Variants in ADAMTS13 observed in about 807,000 individuals in gnomAD.
ADAMTS13 encodes A disintegrin and metalloproteinase with thrombospondin motifs 13.
In ADAMTS13, 110 loss-of-function variants were observed where a neutral mutation model predicts 155.1. That is an observed-to-expected ratio of 0.71 (90% CI 0.61 to 0.83). The LOEUF (loss-of-function observed/expected upper bound fraction) is 0.83, where lower values mean the gene tolerates loss of function less well. Ranked by LOEUF, ADAMTS13 falls within the 40% of genes least tolerant of loss-of-function variation. ADAMTS13 has a pLI of 0.00. For synonymous variants in ADAMTS13, 758 were observed against 756.4 expected (o/e 1.00, Z -0.03); for missense variants, 1,707 against 1,891.7 (o/e 0.90, Z 1.81).
At chr9:133,453,518 C>G (rs1444368064) in intron 23 of ADAMTS13, among the ~76,000 whole-genome samples, 5 of 151,278 alleles carry the variant, frequency 3.3e-5, no homozygotes, top group African/African-American at 1.2e-4. Context: ...AAAAATTAGC[C>G]AGGCATGATG....
rs781974364 is a variant in ADAMTS13, at chr9:133,456,262, C to T, written c.3547+47C>T. 1.2e-6 allele frequency: 2 copies of T among 1,612,306 alleles called. No individual in the cohort carries two copies. The highest frequency in any genetic ancestry group is 1.7e-5 in the Admixed American group (1 of 59,968). On this transcript the variant is annotated intron_variant, in intron 26 of 28. Coordinates refer to ENST00000355699, the MANE Select transcript of ADAMTS13 (RefSeq NM_139027.6). This position sits in a 1 kb window ranked among gnomAD's most constrained non-coding sequence, Gnocchi z 4.4. The stretch of plus-strand genomic sequence containing the variant: ...CGATGCTGCCAGTTATGGGCCCTGC[C>T]AGGAGCCAGCACGACGCTGCATGCC...
intron 27 of ADAMTS13, 97 bp from the exon 28 acceptor site, chr9:133,457,813 G>A: frequency 6.7e-7 from 1 of 1,495,906 alleles, no homozygotes; most frequent in Non-Finnish European, 9.3e-7. Flanking sequence ...TGACCACAGT[G>A]CCATGCTGCC....
upstream of ADAMTS13, chr9:133,417,845 C>T (rs782307555): frequency 5.0e-6 from 8 of 1,598,506 alleles, no homozygotes; most frequent in East Asian, 2.2e-5. Context: ...CCTTCCCCAT[C>T]CTGCTGCCGT....
intron 11 of ADAMTS13, among the ~76,000 whole-genome samples, chr9:133,434,308 A>C (rs1841016717): frequency 6.6e-6 from 1 of 151,916 alleles, no homozygotes; most frequent in Non-Finnish European, 1.5e-5. Flanking sequence ...TTTTTTAAAT[A>C]TTATTTTTAT....
intron 8 of ADAMTS13, 26 bp downstream of exon 8, chr9:133,430,127 A>G: frequency 6.4e-7 from 1 of 1,561,610 alleles, no homozygotes; most frequent in Non-Finnish European, 8.6e-7. Context: ...GTGGCCTGGG[A>G]TTGGCTGTGA....
chr9:133,423,392 T>C (rs1554784141), intron 2 of ADAMTS13, among the ~76,000 whole-genome samples: 1 of 152,210 alleles, frequency 6.6e-6, no homozygotes, highest in Non-Finnish European at 1.5e-5. Context: ...TTCTGTTAAA[T>C]ATCACAAGGG....
At chr9:133,437,026 G>C (rs1841290064) in intron 12 of ADAMTS13, 71 bp downstream of exon 12, 2 of 1,530,930 alleles carry the variant, frequency 1.3e-6, no homozygotes, top group Admixed American at 3.9e-5. Flanking sequence ...CAGAGTCATA[G>C]GGGGGTTGGC....
chr9:133,443,324 C>A (rs1841819709), intron 18 of ADAMTS13, 52 bp from the exon 19 acceptor site: 1 of 1,555,788 alleles, frequency 6.4e-7, no homozygotes, highest in Non-Finnish European at 8.6e-7. Context: ...CCCATCACCC[C>A]AGGCCAGCCT....
rs1842030696 is a variant in ADAMTS13 at position 133,445,848 on chromosome 9, C to T, written c.2731+29C>T. The T allele has an allele frequency of 1.3e-6, 2 of 1,545,724 alleles. No individual in the cohort carries two copies. Among genetic ancestry groups the T allele is most frequent in the Non-Finnish European group, 1.8e-6 (2 of 1,142,326 alleles). ...AGGGCCCCCGGGATGCTCCTGGGGA[C>T]CAGCACTCATGGTAACTCTCCTGTC... On this transcript the variant is annotated intron_variant, in intron 21 of 28. Transcript: ENST00000355699. This position sits in a 1 kb window ranked among gnomAD's most constrained non-coding sequence, Gnocchi z 5.0.
chr9:133,456,745 C>A lies in ADAMTS13; in HGVS notation c.3724+26C>A. On this transcript the variant is annotated intron_variant, in intron 27 of 28. Transcript: ENST00000355699. The surrounding 1 kb of genome is among the most constrained non-coding windows in gnomAD (Gnocchi z 4.4). ...GTATGGCCAGGCCTTCTCCACCTCC[C>A]TTGGGTGCTCCAGTCCTGGCAGGGA... The A allele has an allele frequency of 6.4e-7, 1 of 1,551,726 alleles. No individual in the cohort carries two copies. Among genetic ancestry groups the A allele is most frequent in the South Asian group, 1.2e-5 (1 of 84,066 alleles).
In ADAMTS13 at chr9:133,440,557, G is replaced by A; in HGVS notation, c.1968+32G>A. 6.4e-7 allele frequency: 1 copy of A among 1,560,254 alleles called. No homozygotes were observed. The highest frequency in any genetic ancestry group is 1.4e-5 in the African/African-American group (1 of 73,652). Reference sequence around the variant, plus strand: ...AGGAGAGCCTGGGGGAGGCCAGTGGGGGCTTCTTCTTGGGGGCTATGGCTG... The same window carrying A: ...AGGAGAGCCTGGGGGAGGCCAGTGGAGGCTTCTTCTTGGGGGCTATGGCTG... On this transcript the variant is annotated intron_variant, in intron 16 of 28. Coordinates refer to ENST00000355699, the MANE Select transcript of ADAMTS13 (RefSeq NM_139027.6). This position sits in a 1 kb window ranked among gnomAD's most constrained non-coding sequence, Gnocchi z 4.3.
At chr9:133,429,339 C>G (rs1026446454) in intron 7 of ADAMTS13, among the ~76,000 whole-genome samples, 3 of 143,272 alleles carry the variant, frequency 2.1e-5, no homozygotes, top group Admixed American at 2.1e-4. Context: ...TTCGTTCCAG[C>G]CAATCTGGGC....
chr9:133,435,059 T>G (rs1393446661), intron 11 of ADAMTS13, among the ~76,000 whole-genome samples: 47 of 152,246 alleles, frequency 3.1e-4, no homozygotes, highest in Admixed American at 3.1e-3. Context: ...TTTCACCTTT[T>G]GGCTCCTGTG....
At chr9:133,432,787 C>T (rs1840867339) in intron 9 of ADAMTS13, 95 bp downstream of exon 9, 1 of 1,201,416 alleles carries the variant, frequency 8.3e-7, no homozygotes. Flanking sequence ...GAGGCAGGAC[C>T]AGTATGGGGC....
Position 133,456,809 on chromosome 9 carries a change from T to G in ADAMTS13, c.3724+90T>G. On this transcript the variant is annotated intron_variant, in intron 27 of 28. Transcript: ENST00000355699. The surrounding 1 kb of genome is among the most constrained non-coding windows in gnomAD (Gnocchi z 4.4). ...CTGCTGGGGATGGGGCCAGTCCCAGTGGGGCAGTGGGAAGATACGGAGGGA... is the reference window on the plus strand; with the variant it reads ...CTGCTGGGGATGGGGCCAGTCCCAGGGGGGCAGTGGGAAGATACGGAGGGA... 1 of 1,452,770 alleles carries G rather than the reference T, an allele frequency of 6.9e-7. No individual in the cohort carries two copies. The highest frequency in any genetic ancestry group is 9.4e-7 in the Non-Finnish European group (1 of 1,063,576). The allele number at this position is 1,452,770 out of a possible 1,614,324, so 90.0% of individuals were successfully genotyped here.
chr9:133,438,607 C>T (rs759821824), intron 14 of ADAMTS13, among the ~76,000 whole-genome samples: 7 of 151,880 alleles, frequency 4.6e-5, no homozygotes, highest in Admixed American at 6.6e-5. Flanking sequence ...TCACTGTAGC[C>T]GTGCTGCAAA....
chr9:133,444,028 G>A (rs36221468), intron 19 of ADAMTS13, among the ~76,000 whole-genome samples: 4 of 152,150 alleles, frequency 2.6e-5, no homozygotes, highest in African/African-American at 7.2e-5. Context: ...CGACCTGTCC[G>A]GTGGGAGGGG....
upstream of ADAMTS13, chr9:133,422,305 A>C: frequency 1.2e-6 from 1 of 822,088 alleles, no homozygotes; most frequent in Non-Finnish European, 2.0e-6. Context: ...CTGCCCTGGC[A>C]GGAAGCTTCC....
rs369094501 is a variant in ADAMTS13, at chr9:133,441,564, G to A, written c.1969-835G>A. ...ATGTGGGCATCGAGGGGGCAGGTGCGGAATGTCACCTCGCCCTGGGCTCTG... is the reference window on the plus strand; with the variant it reads ...ATGTGGGCATCGAGGGGGCAGGTGCAGAATGTCACCTCGCCCTGGGCTCTG... On this transcript the variant is annotated intron_variant, in intron 16 of 28. Coordinates refer to ENST00000355699, the MANE Select transcript of ADAMTS13 (RefSeq NM_139027.6). This position sits in a 1 kb window ranked among gnomAD's most constrained non-coding sequence, Gnocchi z 5.0. Among the ~76,000 whole-genome samples, 12 of 152,216 alleles carry A rather than the reference G, an allele frequency of 7.9e-5. No homozygotes were observed. Among genetic ancestry groups the A allele is most frequent in the East Asian group, 5.8e-4 (3 of 5,200 alleles).
Sources: allele counts gnomAD v4.1 joint callset (sites outside exome capture counted in the v4.1 genomes callset), GRCh38; gene constraint gnomAD v4.1.1; non-coding constraint Gnocchi (gnomAD v3.1); transcripts MANE v1.5; gene names NCBI Gene and HGNC (gene_info 2026-07-23, HGNC 2026-07-21).